Variants in PER3 observed in about 807,000 individuals in gnomAD.
The protein encoded by PER3 is period circadian regulator 3.
In PER3, 107 loss-of-function variants were observed where a neutral mutation model predicts 127.2. The observed-to-expected ratio is 0.84, with a 90% confidence interval of 0.72 to 0.99. The LOEUF (loss-of-function observed/expected upper bound fraction) is 0.99. Among genes scored for constraint, PER3 ranks in the 50% least tolerant of loss-of-function variants. PER3 has a pLI of 0.00. For missense variants in PER3, 1,560 were observed against 1,525.8 expected, an observed-to-expected ratio of 1.02 and a Z score of -0.37; for synonymous variants, 618 against 585.8, an observed-to-expected ratio of 1.05 and a Z score of -0.79.
At chr1:7,802,148 T>C (rs1376645595) in intron 8 of PER3, among the ~76,000 whole-genome samples, 1 of 152,250 alleles carries the variant, frequency 6.6e-6, no homozygotes, top group Non-Finnish European at 1.5e-5. Context: ...ATCCAGTTTT[T>C]TCTGAAGCAT....
At chr1:7,787,591 G>T (rs1443831158) in intron 4 of PER3, 3 of 318,330 alleles carry the variant, frequency 9.4e-6, no homozygotes, top group South Asian at 2.6e-5. Context: ...ACAAACTGCT[G>T]ATTATAAATA....
Position 7,809,992 on chromosome 1 carries a change from C to T in PER3, c.1342C>T (p.His448Tyr). ...SIASSSEASGHRVEETKAEQM... is the reference protein window; with the variant it reads ...SIASSSEASGYRVEETKAEQM... ...CGCCTCCTCCAGTGAGGCCAGTGGG[C>T]ACCGTGTGGAGGAGACGAAGGCGGA... Residue 448 changes from histidine (H) to tyrosine (Y), a missense_variant, in exon 12 of 22, where the codon CAC (histidine) becomes TAC (tyrosine). Physicochemically the swap from His to Tyr is moderately conservative, Grantham distance 83. This residue lies in a region of PER3 where 1,332 missense variants were observed against 1,223.6 expected (regional missense o/e 1.09). Transcript: ENST00000377532. 1 of 1,613,920 alleles carries T rather than the reference C, an allele frequency of 6.2e-7. No homozygotes were observed. Among genetic ancestry groups the T allele is most frequent in the South Asian group, 1.1e-5 (1 of 91,082 alleles).
At chr1:7,832,837 A>ATT (rs61585135) in intron 19 of PER3, among the ~76,000 whole-genome samples, 14 of 132,990 alleles carry the variant, frequency 1.1e-4, no homozygotes, top group South Asian at 2.4e-4. Context: ...CATCCCTCAA[A>ATT]TTTTTTTTTT....
At chr1:7,820,071 T>C (rs2097268768) in intron 14 of PER3, 44 bp from the exon 15 acceptor site, 2 of 1,593,426 alleles carry the variant, frequency 1.3e-6, no homozygotes, top group South Asian at 1.1e-5. Context: ...AATGGCACAA[T>C]TAGGGAACAG....
intron 19 of PER3, among the ~76,000 whole-genome samples, chr1:7,830,746 A>G (rs1426193349): frequency 6.6e-6 from 1 of 152,108 alleles, no homozygotes; most frequent in Non-Finnish European, 1.5e-5. Flanking sequence ...TCCCCCGTTA[A>G]ATTGCCGTGA....
chr1:7,801,683 C>G (rs185944765), intron 8 of PER3, among the ~76,000 whole-genome samples: 1 of 152,258 alleles, frequency 6.6e-6, no homozygotes, highest in East Asian at 1.9e-4. Context: ...AACTTCTGTC[C>G]TTCCTACTTT....
intron 5 of PER3, among the ~76,000 whole-genome samples, chr1:7,792,729 C>G (rs1033066627): frequency 6.6e-6 from 1 of 152,200 alleles, no homozygotes; most frequent in Non-Finnish European, 1.5e-5. Context: ...GAATATGTTT[C>G]TATTTAACAT....
chr1:7,802,943 G>A (rs2097176797), intron 8 of PER3, 104 bp from the exon 9 acceptor site: 2 of 754,238 alleles, frequency 2.7e-6, no homozygotes, highest in Non-Finnish European at 4.8e-6. Flanking sequence ...AAACAGCTTT[G>A]CATAAAATTG....
At chr1:7,796,147 G>A (rs2097144213) in intron 6 of PER3, among the ~76,000 whole-genome samples, 1 of 152,048 alleles carries the variant, frequency 6.6e-6, no homozygotes, top group Non-Finnish European at 1.5e-5. Context: ...ACATTCCTTA[G>A]CCCAGACTTG....
chr1:7,787,716 C>A, intron 4 of PER3: 1 of 363,300 alleles, frequency 2.8e-6, no homozygotes, highest in Non-Finnish European at 5.2e-6. Context: ...AGCATAGAAT[C>A]TGCGTTGATG....
chr1:7,817,300 G>T (rs2097255848), intron 13 of PER3, among the ~76,000 whole-genome samples: 1 of 152,160 alleles, frequency 6.6e-6, no homozygotes, highest in Admixed American at 6.5e-5. Context: ...ACCCCAAAAT[G>T]CAGAGAGAAC....
Position 7,820,210 on chromosome 1 carries a change from A to G in PER3, c.1754A>G (p.His585Arg), listed in dbSNP as rs1476264889. ...TCCTCAGAAGAAGACAAACAGAACCACAAGGCAGATGATGTCCAAGCCTTA... is the reference window on the plus strand; with the variant it reads ...TCCTCAGAAGAAGACAAACAGAACCGCAAGGCAGATGATGTCCAAGCCTTA... ...SSSSEEDKQN[H>R]KADDVQALQA... Residue 585 changes from histidine (H) to arginine (R), a missense_variant, in exon 15 of 22, where the codon CAC (histidine) becomes CGC (arginine). His to Arg is a conservative substitution (Grantham distance 29). Transcript: ENST00000377532. The G allele has an allele frequency of 6.2e-7, 1 of 1,613,998 alleles. No individual in the cohort carries two copies. The highest frequency in any genetic ancestry group is 8.5e-7 in the Non-Finnish European group (1 of 1,179,886).
At chr1:7,836,910 C>A in intron 20 of PER3, 89 bp from the exon 21 acceptor site, 1 of 971,476 alleles carries the variant, frequency 1.0e-6, no homozygotes, top group Non-Finnish European at 1.6e-6. Flanking sequence ...GGTGTATTAC[C>A]AACCAAGAAG....
At chr1:7,816,854 G>A (rs1218479514) in intron 13 of PER3, among the ~76,000 whole-genome samples, 3 of 152,272 alleles carry the variant, frequency 2.0e-5, no homozygotes, top group East Asian at 1.9e-4. Flanking sequence ...TTAAGTTCAC[G>A]CAAAAACCTG....
intron 6 of PER3, among the ~76,000 whole-genome samples, chr1:7,796,323 T>TTTA (rs1451126918): frequency 6.9e-6 from 1 of 143,980 alleles, no homozygotes; most frequent in East Asian, 2.0e-4. Context: ...AGTTTCCTTT[T>TTTA]TTTTTTTTTT....
At chr1:7,825,439 A>C (rs909544098) in intron 16 of PER3, among the ~76,000 whole-genome samples, 3 of 152,246 alleles carry the variant, frequency 2.0e-5, no homozygotes, top group African/African-American at 7.2e-5. Context: ...ACTCCGCAGC[A>C]GTGTAGAAGT....
At chr1:7,835,667 A>G in intron 19 of PER3, 95 bp from the exon 20 acceptor site, 1 of 808,904 alleles carries the variant, frequency 1.2e-6, no homozygotes, top group Non-Finnish European at 2.0e-6. Context: ...GCTGAGGAGG[A>G]GGACTGTCCG....
Position 7,826,655 on chromosome 1 carries a change from C to T in PER3, c.2133C>T (p.Tyr711=), listed in dbSNP as rs371910545. 5 of 1,613,444 alleles carry T rather than the reference C, an allele frequency of 3.1e-6. No homozygotes were observed. The highest frequency in any genetic ancestry group is 4.2e-6 in the Non-Finnish European group (5 of 1,179,380). Reference sequence around the variant, plus strand: ...GAGAAAAGATCCTGTCATCACCCTACAGCTCCTATCTTCAGCAAGAAAGCA... The same window carrying T: ...GAGAAAAGATCCTGTCATCACCCTATAGCTCCTATCTTCAGCAAGAAAGCA... ...KFREKILSSP[Y]SSYLQQESRS... Residue 711 remains tyrosine, a synonymous_variant, in exon 17 of 22, where the codon TAC becomes TAT. Coordinates refer to ENST00000377532, the MANE Select transcript of PER3 (RefSeq NM_001377275.1). The surrounding 1 kb of genome is among the most constrained non-coding windows in gnomAD (Gnocchi z 4.2).
rs534636364 is a variant in PER3 at position 7,844,147 on chromosome 1, C to T, written c.*1392C>T. ...GCGTCCTGATAATGATTAGGAAAAT[C>T]GACCTTTTCATCCATGATGACCATC... On this transcript the variant is annotated 3_prime_UTR_variant, in exon 22 of 22. Coordinates refer to ENST00000377532, the MANE Select transcript of PER3 (RefSeq NM_001377275.1). 13 of 242,728 alleles carry T rather than the reference C, an allele frequency of 5.4e-5. No homozygotes were observed. Among genetic ancestry groups the T allele is most frequent in the African/African-American group, 2.3e-4 (10 of 42,712 alleles). 15.0% of individuals were successfully genotyped at this position (242,728 alleles called of 1,614,324 possible).
Sources: gnomAD v4.1 joint callset for allele counts (sites outside exome capture counted in the v4.1 genomes callset) on GRCh38, gnomAD v4.1.1 for gene constraint, gnomAD v4.1.1 regional missense constraint, Gnocchi (gnomAD v3.1) non-coding constraint, MANE v1.5 for transcripts, NCBI Gene and HGNC (gene_info 2026-07-23, HGNC 2026-07-21) for gene names.